MRPL54: variants seen among roughly 807,000 people sequenced by gnomAD.
MRPL54 encodes mitochondrial ribosomal protein L54.
In MRPL54, 12 loss-of-function variants were observed where a neutral mutation model predicts 15.6. That is an observed-to-expected ratio of 0.77 (90% CI 0.49 to 1.24). The LOEUF (loss-of-function observed/expected upper bound fraction) is 1.24. Among genes scored for constraint, MRPL54 ranks in the 50% most tolerant of loss-of-function variants. MRPL54 has a pLI of 0.00. For missense variants in MRPL54, 178 were observed against 186.8 expected (o/e 0.95, Z 0.28); for synonymous variants, 91 against 75.7 (o/e 1.20, Z -1.05).
At position 3,767,289 on chromosome 19, in the gene MRPL54, A is replaced by C; in HGVS notation, c.313A>C (p.Lys105Gln). The change falls in exon 3 of 3, where the codon AAG (lysine) becomes CAG (glutamine). Residue 105 changes from lysine to glutamine, a missense_variant. Coordinates refer to ENST00000330133, the MANE Select transcript of MRPL54 (RefSeq NM_172251.3). ...GTTCGAGATGAACTTGGGTCCCCCA[A>C]AGACCCTGGAGGAGCTGGACCCCGA... Reference protein sequence around the residue: ...WLFEMNLGPPKTLEELDPESR... With the variant: ...WLFEMNLGPPQTLEELDPESR... The C allele has an allele frequency of 1.2e-6, 2 of 1,612,816 alleles. No individual in the cohort carries two copies. The highest frequency in any genetic ancestry group is 1.7e-6 in the Non-Finnish European group (2 of 1,179,498).
Position 3,767,265 on chromosome 19 carries a change from T to C in MRPL54, c.289T>C (p.Phe97Leu). 1.2e-6 allele frequency: 2 copies of C among 1,611,994 alleles called. No individual in the cohort carries two copies. Among genetic ancestry groups the C allele is most frequent in the African/African-American group, 2.7e-5 (2 of 74,874 alleles). Residue 97 changes from phenylalanine (F) to leucine (L), a missense_variant, in exon 3 of 3, where the codon TTC (phenylalanine) becomes CTC (leucine). Coordinates refer to ENST00000330133, the MANE Select transcript of MRPL54 (RefSeq NM_172251.3). ...KPDAEYPEWL[F>L]EMNLGPPKTL... The stretch of plus-strand genomic sequence containing the variant: ...TCCTGCCCGCACCCCCGTCAGGCTG[T>C]TCGAGATGAACTTGGGTCCCCCAAA...
chr19:3,765,341 C>A lies in MRPL54; in HGVS notation c.284+10C>A. ...CTGAGTACCCTGAATGGTGAGTAGG[C>A]CAGGCTGTGTCATCCTGCAATGACT... On this transcript the variant is annotated intron_variant, in intron 2 of 2. Coordinates refer to ENST00000330133, the MANE Select transcript of MRPL54 (RefSeq NM_172251.3). 6.2e-7 allele frequency: 1 copy of A among 1,612,560 alleles called. No homozygotes were observed. The highest frequency in any genetic ancestry group is 8.5e-7 in the Non-Finnish European group (1 of 1,179,324).
chr19:3,765,913 AAT>A (rs200277810), intron 2 of MRPL54, among the ~76,000 whole-genome samples: 63,331 of 126,242 alleles, frequency 0.5, 15,263 homozygotes, highest in East Asian at 0.76. Flanking sequence ...AAAAAAAAAA[AAT>A]TTTTTTTTTT....
intron 2 of MRPL54, among the ~76,000 whole-genome samples, 187 bp from the exon 3 acceptor site, chr19:3,767,074 T>C (rs1403876547): frequency 6.6e-6 from 1 of 151,528 alleles, no homozygotes. Context: ...TGGGATGGGG[T>C]TGGCTCCATT....
Position 3,767,477 on chromosome 19 carries a change from G to A in MRPL54, c.*84G>A, listed in dbSNP as rs769456116. 35 of 1,556,286 alleles carry A rather than the reference G, an allele frequency of 2.2e-5. No homozygotes were observed. Among genetic ancestry groups the A allele is most frequent in the Middle Eastern group, 1.7e-4 (1 of 5,896 alleles). ...CGTGGACTTTTGTGAGACAAGAGGC[G>A]GCTCCCCAGCCTGGGTTTCCATGTG... On this transcript the variant is annotated 3_prime_UTR_variant, in exon 3 of 3. Coordinates refer to ENST00000330133, the MANE Select transcript of MRPL54 (RefSeq NM_172251.3).
At chr19:3,765,468 G>A (rs767958433) in intron 2 of MRPL54, 137 bp downstream of exon 2, 31 of 856,578 alleles carry the variant, frequency 3.6e-5, no homozygotes, top group Admixed American at 1.4e-4. Context: ...TTAGGGCAGG[G>A]GGCTTCAGGG....
Position 3,767,340 on chromosome 19 carries a change from C to T in MRPL54, c.364C>T (p.Arg122Trp), listed in dbSNP as rs141701887. The T allele has an allele frequency of 1.2e-5, 20 of 1,609,702 alleles. No individual in the cohort carries two copies. In the East Asian group the frequency reaches 2.7e-4, roughly 22 times the overall value. The change falls in exon 3 of 3, where the codon CGG becomes TGG. Residue 122 changes from arginine to tryptophan, a missense_variant. Arg to Trp is a moderately radical substitution (Grantham distance 101). Transcript: ENST00000330133. ...GAGCCGGGAGTACTGGCGGCGGCTG[C>T]GGAAACAGAACATCTGGCGCCACAA... ...PESREYWRRL[R>W]KQNIWRHNRL... is the part of the protein sequence containing the mutation.
Position 3,762,796 on chromosome 19 carries a change from C to G in MRPL54, c.96C>G (p.Ala32=). 1 of 1,592,314 alleles carries G rather than the reference C, an allele frequency of 6.3e-7. No homozygotes were observed. The highest frequency in any genetic ancestry group is 1.4e-5 in the African/African-American group (1 of 73,760). ...CCGCCACTTCCGGAAGACTCCTGGC[C>G]CGGGATTATGCCAAGAAACCAGGTG... ...LNPATSGRLL[A]RDYAKKPVMK... Residue 32 remains alanine (A), a synonymous_variant, in exon 1 of 3, where the codon GCC becomes GCG. Transcript: ENST00000330133.
chr19:3,765,946 C>G (rs1278700776), intron 2 of MRPL54, among the ~76,000 whole-genome samples: 1 of 150,826 alleles, frequency 6.6e-6, no homozygotes, highest in African/African-American at 2.4e-5. Context: ...GAGTCTTGCT[C>G]TGTCACCCAG....
intron 2 of MRPL54, among the ~76,000 whole-genome samples, chr19:3,766,918 T>TG (rs1481598651): frequency 6.6e-6 from 1 of 152,088 alleles, no homozygotes; most frequent in Admixed American, 6.6e-5. Flanking sequence ...ACCTGTGGGC[T>TG]GCAGGAAGGG....
Position 3,767,417 on chromosome 19 carries a change from C to T in MRPL54, c.*24C>T, listed in dbSNP as rs747170554. 5.6e-6 allele frequency: 9 copies of T among 1,601,692 alleles called. No homozygotes were observed. The South Asian group carries it at 8.9e-5, about 16-fold the overall frequency. ...AGCATGGAGGGCCCGGCATCGCTGA[C>T]CCCCACGCCGAGGGCTTGCCGTTTT... is the stretch of plus-strand genomic sequence containing the variant. On this transcript the variant is annotated 3_prime_UTR_variant, in exon 3 of 3. Coordinates refer to ENST00000330133, the MANE Select transcript of MRPL54 (RefSeq NM_172251.3).
At chr19:3,766,060 C>G (rs573816538) in intron 2 of MRPL54, among the ~76,000 whole-genome samples, 2 of 150,978 alleles carry the variant, frequency 1.3e-5, no homozygotes, top group Non-Finnish European at 3.0e-5. Context: ...TACAGGCATG[C>G]GCCACCATGC....
rs1039528510 is a variant in MRPL54 at position 3,765,417 on chromosome 19, C to G, written c.284+86C>G. The G allele has an allele frequency of 6.4e-5, 95 of 1,477,238 alleles. No individual in the cohort carries two copies. In the Middle Eastern group the frequency reaches 9.9e-4, roughly 15 times the overall value. The allele number at this position is 1,477,238 out of a possible 1,614,324, so 91.5% of individuals were successfully genotyped here. A position where few individuals can be genotyped will look rare whatever the true frequency, so the allele number is the denominator to read the frequency against. On this transcript the variant is annotated intron_variant, in intron 2 of 2. Coordinates refer to ENST00000330133, the MANE Select transcript of MRPL54 (RefSeq NM_172251.3). Reference sequence around the variant, plus strand: ...CCCTTCCCGGAGAGGCGGATCGCCACTCCAGCCGGAGCCTAATAGTCACAC... The same window carrying G: ...CCCTTCCCGGAGAGGCGGATCGCCAGTCCAGCCGGAGCCTAATAGTCACAC...
Position 3,765,159 on chromosome 19 carries a change from TC to T in MRPL54, c.119-3del, listed in dbSNP as rs1473316351. 2.5e-6 allele frequency: 4 copies of T among 1,603,164 alleles called. No homozygotes were observed. In the East Asian group the frequency reaches 6.8e-5, roughly 27 times the overall value. ...GGCTGAAATGACTCTCCCTCTCGTC[TC>T]CCCAGTTATGAAGGGGGCCAAATCG... is the stretch of plus-strand genomic sequence containing the variant. On this transcript the variant is annotated splice_polypyrimidine_tract_variant and splice_region_variant and intron_variant, in intron 1 of 2. Coordinates refer to ENST00000330133, the MANE Select transcript of MRPL54 (RefSeq NM_172251.3).
rs542798308 is a variant in MRPL54 at position 3,765,032 on chromosome 19, A to G, written c.119-134A>G. ...ACAGAGCGAGACTCCGTCTCAAAAA[A>G]AAAAAAAAAGAAAGTTTTGAGTGTA... is the stretch of plus-strand genomic sequence containing the variant. On this transcript the variant is annotated intron_variant, in intron 1 of 2. Transcript: ENST00000330133. 7.1e-5 allele frequency: 69 copies of G among 978,176 alleles called. No homozygotes were observed. In the East Asian group the frequency reaches 1.7e-3, roughly 24 times the overall value. 60.6% of individuals were successfully genotyped at this position (978,176 alleles called of 1,614,324 possible).
In MRPL54 at chr19:3,765,231, T is replaced by C; in HGVS notation, c.184T>C (p.Cys62Arg). The C allele has an allele frequency of 6.2e-7, 1 of 1,613,896 alleles. No individual in the cohort carries two copies. The change falls in exon 2 of 3, where the codon TGC (cysteine) becomes CGC (arginine). Residue 62 changes from cysteine (C) to arginine (R), a missense_variant. Transcript: ENST00000330133. ...TSEALKDPDV[C>R]TDPVQLTTYA... ...CGAGGCCCTCAAGGACCCCGACGTA[T>C]GCACAGATCCTGTCCAGCTCACCAC...
chr19:3,764,194 T>C (rs1463224712), intron 1 of MRPL54, among the ~76,000 whole-genome samples: 2 of 151,732 alleles, frequency 1.3e-5, no homozygotes, highest in Non-Finnish European at 2.9e-5. Context: ...GCCATTCTCC[T>C]GCCTCAGCCT....
chr19:3,766,703 C>T (rs1485686103), intron 2 of MRPL54, among the ~76,000 whole-genome samples: 3 of 152,104 alleles, frequency 2.0e-5, no homozygotes, highest in African/African-American at 7.2e-5. Flanking sequence ...GGGACAGAGC[C>T]GGGGTGTTTG....
At chr19:3,764,533 G>A (rs1236475048) in intron 1 of MRPL54, among the ~76,000 whole-genome samples, 7 of 151,054 alleles carry the variant, frequency 4.6e-5, no homozygotes, top group African/African-American at 1.7e-4. Flanking sequence ...TCAGCCTCCC[G>A]AGTAGCTGGG....
Sources: allele counts gnomAD v4.1 joint callset (sites outside exome capture counted in the v4.1 genomes callset), GRCh38; gene constraint gnomAD v4.1.1; transcripts MANE v1.5; gene names NCBI Gene and HGNC (gene_info 2026-07-23, HGNC 2026-07-21).